The following AOAH variants were observed in gnomAD, a reference collection of about 807,000 sequenced individuals.
AOAH encodes acyloxyacyl hydrolase, also known as acyloxyacyl hydrolase (neutrophil).
A neutral mutation model predicts 92.2 loss-of-function variants in AOAH; 64 were observed. The observed-to-expected ratio is 0.69, with a 90% CI of 0.57 to 0.86. The LOEUF is 0.86. Ranked by LOEUF, AOAH falls within the 40% of genes least tolerant of loss-of-function variation. The pLI, the probability that AOAH is intolerant of heterozygous loss-of-function variation, is 0.00. For missense variants in AOAH, 656 were observed against 694.6 expected (o/e 0.94, Z 0.62); for synonymous variants, 263 against 254.5 (o/e 1.03, Z -0.32).
Position 36,614,298 on chromosome 7 carries a change from T to G in AOAH, c.846+2082A>C, listed in dbSNP as rs1004150530. ...CAGAAGTAATGGCTGTGAGCTGCTA[T>G]TCCCTGTGCAGTGCATCAGACCCGG... On this transcript the variant is annotated intron_variant, in intron 11 of 20. Coordinates refer to ENST00000617537, the MANE Select transcript of AOAH (RefSeq NM_001637.4). This position sits in a 1 kb window ranked among gnomAD's most constrained non-coding sequence, Gnocchi z 4.2. 6.6e-6 allele frequency among the ~76,000 whole-genome samples: 1 copy of G among 152,216 alleles called. No homozygotes were observed. The highest frequency in any genetic ancestry group is 1.5e-5 in the Non-Finnish European group (1 of 68,042).
intron 3 of AOAH, among the ~76,000 whole-genome samples, chr7:36,666,160 G>A (rs1425543428): frequency 1.3e-5 from 2 of 152,074 alleles, no homozygotes; most frequent in African/African-American, 4.8e-5. Flanking sequence ...GAATCTACCA[G>A]TGAATCTATC....
intron 13 of AOAH, among the ~76,000 whole-genome samples, chr7:36,566,415 G>A (rs1454695984): frequency 2.1e-5 from 3 of 143,102 alleles, no homozygotes; most frequent in Non-Finnish European, 4.5e-5. Flanking sequence ...TTTTGATAAT[G>A]AGGACTGGCA....
At chr7:36,569,991 A>AT (rs1389719581) in intron 13 of AOAH, among the ~76,000 whole-genome samples, 3 of 151,818 alleles carry the variant, frequency 2.0e-5, no homozygotes, top group East Asian at 1.9e-4. Context: ...TCTTTTATCT[A>AT]TTTTTTTGTT....
intron 1 of AOAH, among the ~76,000 whole-genome samples, chr7:36,718,690 A>G (rs1281921870): frequency 6.6e-6 from 1 of 152,234 alleles, no homozygotes; most frequent in Non-Finnish European, 1.5e-5. Context: ...TAAGTCAAAG[A>G]GGCCTGTAGC....
intron 1 of AOAH, among the ~76,000 whole-genome samples, chr7:36,712,806 T>G (rs1377452697): frequency 6.6e-6 from 1 of 152,118 alleles, no homozygotes; most frequent in Admixed American, 6.5e-5. Flanking sequence ...CCACCAGGCC[T>G]GCCCTAAAAG....
chr7:36,592,231 C>T (rs1789795577), intron 12 of AOAH, among the ~76,000 whole-genome samples: 1 of 151,952 alleles, frequency 6.6e-6, no homozygotes, highest in Admixed American at 6.6e-5. Flanking sequence ...TTTTTATTTT[C>T]TGATGTTGAA....
intron 2 of AOAH, among the ~76,000 whole-genome samples, chr7:36,675,210 C>T (rs1364825720): frequency 9.9e-5 from 15 of 152,122 alleles, no homozygotes; most frequent in African/African-American, 1.4e-4. Context: ...GAGCCGAGAT[C>T]GTGCCATTGC....
rs1785349552 is a variant in AOAH, at chr7:36,540,460, GA to G, written c.1164del (p.Pro389LeufsTer12). The G allele has an allele frequency of 1.2e-6, 2 of 1,613,754 alleles. No homozygotes were observed. The highest frequency in any genetic ancestry group is 1.7e-6 in the Non-Finnish European group (2 of 1,179,822). On this transcript the variant is annotated frameshift_variant, in exon 16 of 21. Coordinates refer to ENST00000617537, the MANE Select transcript of AOAH (RefSeq NM_001637.4). LOFTEE classifies it high-confidence loss of function. ...ATGACGTTGGAGTAGAGTTTCTCAG[GA>G]GTGGTCATGGCTGGGACTGGGTCAC... ...GKSDPVPAMT[T>X]PEKLYSNVMQ...
At chr7:36,616,103 G>A (rs1011714021) in intron 11 of AOAH, among the ~76,000 whole-genome samples, 3 of 152,166 alleles carry the variant, frequency 2.0e-5, no homozygotes, top group African/African-American at 7.2e-5. Flanking sequence ...CCGGCCCGGT[G>A]GGCTTTGTCC....
chr7:36,683,730 T>C (rs1796792529), intron 2 of AOAH, among the ~76,000 whole-genome samples: 1 of 72,752 alleles, frequency 1.4e-5, no homozygotes, highest in South Asian at 7.6e-4. Context: ...GAACTTGAAT[T>C]TGAAGTGTCA....
At chr7:36,551,399 T>C (rs1786247428) in intron 13 of AOAH, among the ~76,000 whole-genome samples, 1 of 152,068 alleles carries the variant, frequency 6.6e-6, no homozygotes, top group Non-Finnish European at 1.5e-5. Flanking sequence ...CCCTTTTGAG[T>C]GTACAATTCA....
In AOAH at chr7:36,616,519, T is replaced by G. The variant is rs187501883; in HGVS notation, c.752-45A>C. On this transcript the variant is annotated intron_variant, in intron 10 of 20. Coordinates refer to ENST00000617537, the MANE Select transcript of AOAH (RefSeq NM_001637.4). ...CACATTATTTATGCACTCAAGTAGTTTGGAACCTCCAGACTGGGTAGATAT... is the reference window on the plus strand; with the variant it reads ...CACATTATTTATGCACTCAAGTAGTGTGGAACCTCCAGACTGGGTAGATAT... The G allele has an allele frequency of 9.4e-5, 144 of 1,525,290 alleles. 1 individual carries two copies. In the African/African-American group the frequency reaches 1.6e-3, roughly 17 times the overall value. 94.5% of individuals were successfully genotyped at this position (1,525,290 alleles called of 1,614,324 possible). A position where few individuals can be genotyped will look rare whatever the true frequency, so the allele number is the denominator to read the frequency against.
intron 12 of AOAH, among the ~76,000 whole-genome samples, chr7:36,593,252 C>A (rs1257504320): frequency 6.6e-6 from 1 of 152,198 alleles, no homozygotes; most frequent in Admixed American, 6.5e-5. Flanking sequence ...AACATCTGTG[C>A]CTGATTAGGT....
intron 11 of AOAH, among the ~76,000 whole-genome samples, chr7:36,605,669 G>A (rs1366109571): frequency 2.0e-5 from 3 of 152,192 alleles, no homozygotes; most frequent in African/African-American, 7.2e-5. Context: ...TCTCTCAGTA[G>A]GCAGCAGGGC....
chr7:36,555,577 T>C (rs1400866171), intron 13 of AOAH, among the ~76,000 whole-genome samples: 37 of 152,148 alleles, frequency 2.4e-4, no homozygotes, highest in Non-Finnish European at 4.7e-4. Context: ...TTCCTCCTTG[T>C]ACCTCTGGTA....
intron 4 of AOAH, among the ~76,000 whole-genome samples, chr7:36,642,201 C>T (rs573959886): frequency 4.0e-4 from 60 of 151,868 alleles, no homozygotes; most frequent in Non-Finnish European, 8.2e-4. Context: ...ATAGCAAAAA[C>T]CGCAATTACT....
chr7:36,564,624 C>T (rs1787548301), intron 13 of AOAH, among the ~76,000 whole-genome samples: 1 of 152,242 alleles, frequency 6.6e-6, no homozygotes, highest in Non-Finnish European at 1.5e-5. Context: ...AAGCCCTAAA[C>T]AAAAGACATC....
At chr7:36,594,735 C>G (rs775496196) in intron 11 of AOAH, 4 of 377,922 alleles carry the variant, frequency 1.1e-5, no homozygotes, top group Non-Finnish European at 2.0e-5. Context: ...CTTACATTTT[C>G]TGAGATTTTC....
intron 11 of AOAH, among the ~76,000 whole-genome samples, chr7:36,610,852 A>G (rs1562619345): frequency 6.6e-6 from 1 of 152,162 alleles, no homozygotes; most frequent in Admixed American, 6.5e-5. Context: ...CGCTCTGGAT[A>G]GATTGCCCAG....
Sources: gnomAD v4.1 joint callset for allele counts (sites outside exome capture counted in the v4.1 genomes callset) on GRCh38, gnomAD v4.1.1 for gene constraint, Gnocchi (gnomAD v3.1) non-coding constraint, MANE v1.5 for transcripts, NCBI Gene and HGNC (gene_info 2026-07-23, HGNC 2026-07-21) for gene names.